The following DLC1 variants were observed in gnomAD, a reference collection of about 807,000 sequenced individuals.
The protein encoded by DLC1 is DLC1 Rho GTPase activating protein.
Under a neutral mutation model 140.3 loss-of-function variants are expected in DLC1, and 54 were observed. The ratio of observed to expected loss-of-function variants is 0.38; its 90% CI spans 0.31 to 0.48. The LOEUF is 0.48. Ranked by LOEUF, DLC1 falls within the 20% of genes least tolerant of loss-of-function variation. The pLI is 0.96. For synonymous variants in DLC1, 986 were observed against 728.1 expected (o/e 1.35, Z -5.70); for missense variants, 2,536 against 1,907.0 (o/e 1.33, Z -6.14).
At chr8:13,131,756 G>C (rs1201943866) in intron 5 of DLC1, among the ~76,000 whole-genome samples, 1 of 152,252 alleles carries the variant, frequency 6.6e-6, no homozygotes, top group South Asian at 2.1e-4. Context: ...CACCCCTTTG[G>C]TGCAGATGAA....
Position 13,468,344 on chromosome 8 carries a change from C to CTCCCT in DLC1, c.1023+30704_1023+30705insAGGGA, listed in dbSNP as rs1302735637. Among the ~76,000 whole-genome samples, 1,006 of 104,656 alleles carry CTCCCT rather than the reference C, an allele frequency of 9.6e-3. 50 individuals are homozygous for CTCCCT. Among genetic ancestry groups the CTCCCT allele is most frequent in the Admixed American group, 0.015 (147 of 9,768 alleles). 68.7% of individuals were successfully genotyped at this position (104,656 alleles called of 152,430 possible). A position where few individuals can be genotyped will look rare whatever the true frequency, so the allele number is the denominator to read the frequency against. On this transcript the variant is annotated intron_variant, in intron 2 of 17. Coordinates refer to ENST00000276297, the MANE Select transcript of DLC1 (RefSeq NM_182643.3). Reference sequence around the variant, plus strand: ...CTCTCTTTCCCTTCCCCCCATTCCCCTCCCCTCCCCTCCCCTCCCCTCCCC... The same window carrying CTCCCT: ...CTCTCTTTCCCTTCCCCCCATTCCCCTCCCTTCCCCTCCCCTCCCCTCCCCTCCCC...
rs1251370323 is a variant in DLC1 at position 13,597,480 on chromosome 8, CTA to C, written c.-126+7055_-126+7056del. 3.3e-5 allele frequency among the ~76,000 whole-genome samples: 5 copies of C among 152,112 alleles called. No homozygotes were observed. The East Asian group carries it at 7.8e-4, about 24-fold the overall frequency. ...CTGAAATACCATCTCGTTTCCTGAG[CTA>C]TGTTTGTCAGCATAATAGTAACTCT... is the stretch of plus-strand genomic sequence containing the variant. On this transcript the variant is annotated intron_variant, in intron 1 of 1. Coordinates refer to the DLC1 transcript ENST00000631382.
At chr8:13,313,445 T>A (rs923452042) in intron 4 of DLC1, among the ~76,000 whole-genome samples, 5 of 152,146 alleles carry the variant, frequency 3.3e-5, no homozygotes, top group Non-Finnish European at 5.9e-5. Context: ...GCATGATGAT[T>A]TTTGGCACTT....
intron 4 of DLC1, among the ~76,000 whole-genome samples, chr8:13,316,161 G>A (rs1026566657): frequency 6.6e-6 from 1 of 152,146 alleles, no homozygotes; most frequent in African/African-American, 2.4e-5. Flanking sequence ...TGCTGGTGAT[G>A]GAAGTGTCCA....
chr8:13,115,584 A>G lies in DLC1; in HGVS notation c.1420+2T>C. ...TTTTAAAAAGTGGCATTCCCAGCTT[A>G]CCTTCATAAAGCTGTGCATACTGGG... On this transcript the variant is annotated splice_donor_variant, in intron 6 of 17. Transcript: ENST00000276297. LOFTEE classifies it high-confidence loss of function. 1 of 1,612,118 alleles carries G rather than the reference A, an allele frequency of 6.2e-7. No homozygotes were observed. Among genetic ancestry groups the G allele is most frequent in the South Asian group, 1.1e-5 (1 of 90,464 alleles).
intron 5 of DLC1, among the ~76,000 whole-genome samples, chr8:13,177,494 C>T (rs1381314052): frequency 1.3e-5 from 2 of 152,090 alleles, no homozygotes; most frequent in Admixed American, 6.6e-5. Context: ...TTCACAAGTG[C>T]ATAGTCTTCA....
intron 2 of DLC1, among the ~76,000 whole-genome samples, chr8:13,486,944 A>G (rs1423287972): frequency 2.0e-5 from 3 of 152,202 alleles, no homozygotes; most frequent in Non-Finnish European, 2.9e-5. Flanking sequence ...TTGTTTCTTA[A>G]TGTAGGTACT....
intron 4 of DLC1, among the ~76,000 whole-genome samples, chr8:13,314,728 A>T (rs1832798525): frequency 6.6e-6 from 1 of 152,210 alleles, no homozygotes; most frequent in Non-Finnish European, 1.5e-5. Flanking sequence ...AGAACCACAA[A>T]AAGAATACAG....
At chr8:13,187,135 A>T (rs762132882) in intron 5 of DLC1, among the ~76,000 whole-genome samples, 11 of 136,716 alleles carry the variant, frequency 8.0e-5, no homozygotes, top group Non-Finnish European at 1.7e-4. Context: ...TCTCCTCCCC[A>T]CCTCTTCCCT....
At chr8:13,321,536 C>CAAAAAAAAAAAAAAAAAA (rs1486480504) in intron 4 of DLC1, among the ~76,000 whole-genome samples, 1 of 6,130 alleles carries the variant, frequency 1.6e-4, no homozygotes. Flanking sequence ...GACTCAGTCT[C>CAAAAAAAAAAAAAAAAAA]AAAAAAGAAA....
At chr8:13,368,734 C>T (rs1835602262) in intron 4 of DLC1, among the ~76,000 whole-genome samples, 1 of 152,076 alleles carries the variant, frequency 6.6e-6, no homozygotes, top group Non-Finnish European at 1.5e-5. Flanking sequence ...TTTATGGTTT[C>T]CAGTTTCTAG....
At chr8:13,386,445 G>A (rs776553130) in intron 4 of DLC1, among the ~76,000 whole-genome samples, 1 of 151,912 alleles carries the variant, frequency 6.6e-6, no homozygotes, top group Admixed American at 6.6e-5. Flanking sequence ...AGTTATTCTC[G>A]ACAGAATGAA....
chr8:13,495,628 A>T (rs779295088), intron 2 of DLC1, among the ~76,000 whole-genome samples: 2 of 152,222 alleles, frequency 1.3e-5, no homozygotes, highest in Non-Finnish European at 2.9e-5. Context: ...AAAGGTATAT[A>T]CTTGTACATA....
intron 4 of DLC1, among the ~76,000 whole-genome samples, chr8:13,357,416 A>G (rs1834997908): frequency 6.6e-6 from 1 of 152,064 alleles, no homozygotes; most frequent in Non-Finnish European, 1.5e-5. Flanking sequence ...TGCTGCTAAG[A>G]CTCCAGCTTG....
At position 13,256,297 on chromosome 8, in the gene DLC1, A is replaced by G. The variant is rs937794144; in HGVS notation, c.1348+48972T>C. Among the ~76,000 whole-genome samples the G allele has an allele frequency of 1.4e-4, 21 of 152,366 alleles. No homozygotes were observed. The East Asian group carries it at 3.3e-3, about 24-fold the overall frequency. On this transcript the variant is annotated intron_variant, in intron 5 of 17. Coordinates refer to ENST00000276297, the MANE Select transcript of DLC1 (RefSeq NM_182643.3). ...GTTTTACATAGACTAAATTATTGCA[A>G]GAACAATGACTTTTCTTGTCACTGA...
At position 13,443,556 on chromosome 8, in the gene DLC1, G is replaced by T. The variant is rs1348128618; in HGVS notation, c.1024-41937C>A. ...TGCCTGTAGTCCCAGCTACTTGAGA[G>T]GCTGAGGCAGGAGAATGGCATGAAC... is the stretch of plus-strand genomic sequence containing the variant. On this transcript the variant is annotated intron_variant, in intron 2 of 17. Coordinates refer to ENST00000276297, the MANE Select transcript of DLC1 (RefSeq NM_182643.3). Among the ~76,000 whole-genome samples, 12 of 151,258 alleles carry T rather than the reference G, an allele frequency of 7.9e-5. No homozygotes were observed. In the East Asian group the frequency reaches 2.3e-3, roughly 30 times the overall value.
At chr8:13,520,920 T>C (rs1373186422) in intron 1 of DLC1, among the ~76,000 whole-genome samples, 2 of 152,168 alleles carry the variant, frequency 1.3e-5, no homozygotes, top group Non-Finnish European at 1.5e-5. Context: ...TAATATTCTC[T>C]GAAATCCTCA....
Position 13,091,307 on chromosome 8 carries a change from C to G in DLC1, c.3855+11G>C. Reference sequence around the variant, plus strand: ...TCCTTAATAAAGGAGCCAAACTTCTCAATTCCTTACCTGGAAAAGCTTCTT... The same window carrying G: ...TCCTTAATAAAGGAGCCAAACTTCTGAATTCCTTACCTGGAAAAGCTTCTT... On this transcript the variant is annotated intron_variant, in intron 14 of 17. Coordinates refer to ENST00000276297, the MANE Select transcript of DLC1 (RefSeq NM_182643.3). 6.2e-7 allele frequency: 1 copy of G among 1,613,580 alleles called. No individual in the cohort carries two copies. Among genetic ancestry groups the G allele is most frequent in the Non-Finnish European group, 8.5e-7 (1 of 1,179,792 alleles).
chr8:13,494,284 G>A (rs191902269), intron 2 of DLC1, among the ~76,000 whole-genome samples: 3 of 152,080 alleles, frequency 2.0e-5, no homozygotes, highest in Admixed American at 6.6e-5. Flanking sequence ...TGTCCCTTAC[G>A]TCTTTGATAA....
Sources: gnomAD v4.1 joint callset for allele counts (sites outside exome capture counted in the v4.1 genomes callset) on GRCh38, gnomAD v4.1.1 for gene constraint, MANE v1.5 for transcripts, NCBI Gene and HGNC (gene_info 2026-07-23, HGNC 2026-07-21) for gene names.